MAD1L1: variants seen among roughly 807,000 people sequenced by gnomAD.
The protein encoded by MAD1L1 is mitotic spindle assembly checkpoint protein MAD1.
Under a neutral mutation model 96.9 loss-of-function variants are expected in MAD1L1, and 95 were observed. That is an observed-to-expected ratio of 0.98 (90% CI 0.83 to 1.16). MAD1L1 has a LOEUF of 1.16. Among genes scored for constraint, MAD1L1 ranks in the 50% most tolerant of loss-of-function variants. The pLI, the probability that MAD1L1 is intolerant of heterozygous loss-of-function variation, is 0.00. For missense variants in MAD1L1, 1,007 were observed against 954.4 expected (o/e 1.06, Z -0.73); for synonymous variants, 473 against 396.6 (o/e 1.19, Z -2.29).
intron 18 of MAD1L1, among the ~76,000 whole-genome samples, chr7:1,871,662 C>T (rs71523278): frequency 1.3e-5 from 2 of 151,064 alleles, no homozygotes; most frequent in African/African-American, 4.9e-5. Flanking sequence ...ATGCTGAACC[C>T]AACATACGCC....
At chr7:1,987,177 C>A (rs1385425711) in intron 14 of MAD1L1, among the ~76,000 whole-genome samples, 1 of 152,266 alleles carries the variant, frequency 6.6e-6, no homozygotes, top group Non-Finnish European at 1.5e-5. Context: ...CACCCCCACT[C>A]CTCTGTGACC....
chr7:2,050,427 AG>A (rs769273344), intron 12 of MAD1L1, among the ~76,000 whole-genome samples: 34 of 152,192 alleles, frequency 2.2e-4, no homozygotes, highest in East Asian at 1.9e-4. Context: ...GTGGTGAGCC[AG>A]GGGGTTCCTG....
chr7:2,036,739 G>C (rs1335926235), intron 12 of MAD1L1, among the ~76,000 whole-genome samples: 1 of 152,080 alleles, frequency 6.6e-6, no homozygotes, highest in Admixed American at 6.5e-5. Flanking sequence ...CAGGGCTCCT[G>C]ATCAGAGGTG....
In MAD1L1 at chr7:2,103,021, C is replaced by T; in HGVS notation, c.1074-33683G>A. Among the ~76,000 whole-genome samples the T allele has an allele frequency of 6.6e-6, 1 of 152,228 alleles. No homozygotes were observed. Among genetic ancestry groups the T allele is most frequent in the East Asian group, 1.9e-4 (1 of 5,188 alleles). ...AGCTCCACAACTCAGAGGAGGCAGC[C>T]TCCGTGATGCTGCCAACACCTGGGT... On this transcript the variant is annotated intron_variant, in intron 11 of 18. Transcript: ENST00000265854. This position sits in a 1 kb window ranked among gnomAD's most constrained non-coding sequence, Gnocchi z 4.3.
At chr7:2,139,692 G>T (rs1222871771) in intron 11 of MAD1L1, among the ~76,000 whole-genome samples, 1 of 152,226 alleles carries the variant, frequency 6.6e-6, no homozygotes, top group Non-Finnish European at 1.5e-5. Context: ...GGCTGATGGG[G>T]GAGGAAGCCG....
chr7:2,021,421 C>T (rs1782782273), intron 12 of MAD1L1, among the ~76,000 whole-genome samples: 1 of 152,120 alleles, frequency 6.6e-6, no homozygotes. Context: ...ACAGCACCAG[C>T]CTGGAATTCT....
intron 12 of MAD1L1, among the ~76,000 whole-genome samples, chr7:2,028,150 G>GTGA (rs1783063720): frequency 6.6e-6 from 1 of 152,108 alleles, no homozygotes; most frequent in Non-Finnish European, 1.5e-5. Context: ...CTAAGGCCGG[G>GTGA]CGCGGTGACT....
At chr7:1,824,510 CT>C (rs1782289059) in intron 18 of MAD1L1, among the ~76,000 whole-genome samples, 1 of 152,220 alleles carries the variant, frequency 6.6e-6, no homozygotes, top group African/African-American at 2.4e-5. Flanking sequence ...GCCCCGTGCC[CT>C]GGCGCCATCG....
chr7:2,162,414 C>A (rs1323867002), intron 10 of MAD1L1, among the ~76,000 whole-genome samples: 1 of 151,860 alleles, frequency 6.6e-6, no homozygotes, highest in African/African-American at 2.4e-5. Context: ...GTCATCACCA[C>A]TCCCTAATCT....
chr7:1,862,659 C>T lies in MAD1L1; in HGVS notation c.1998+35541G>A, dbSNP rs115798339. Among the ~76,000 whole-genome samples, 932 of 152,352 alleles carry T rather than the reference C, an allele frequency of 6.1e-3. 6 individuals carry two copies. The highest frequency in any genetic ancestry group is 0.017 in the African/African-American group (719 of 41,568). On this transcript the variant is annotated intron_variant, in intron 18 of 18. Transcript: ENST00000265854. ...CAGCAAGTGGCTGCCATCTAGGTAA[C>T]GGTCTGCCTACAGGCCTGTTATTTA...
chr7:2,178,343 C>A (rs1289756055), intron 10 of MAD1L1, among the ~76,000 whole-genome samples: 4 of 152,176 alleles, frequency 2.6e-5, no homozygotes, highest in African/African-American at 9.7e-5. Flanking sequence ...ACCGTACAAC[C>A]AGTGCCTTAC....
chr7:2,145,281 A>G (rs1417670313), intron 11 of MAD1L1, among the ~76,000 whole-genome samples: 5 of 152,238 alleles, frequency 3.3e-5, no homozygotes, highest in Admixed American at 3.3e-4. Context: ...GCAGCACCTG[A>G]GCAAACCCGC....
At chr7:2,039,265 C>T (rs1783575193) in intron 12 of MAD1L1, among the ~76,000 whole-genome samples, 1 of 152,216 alleles carries the variant, frequency 6.6e-6, no homozygotes, top group Non-Finnish European at 1.5e-5. Flanking sequence ...TAACCATCAC[C>T]ACCGAAGGAC....
intron 5 of MAD1L1, 53 bp downstream of exon 5, chr7:2,222,522 G>A: frequency 6.8e-7 from 1 of 1,471,450 alleles, no homozygotes; most frequent in South Asian, 1.4e-5. Flanking sequence ...ACAAGAGCAT[G>A]CACTCCCTCT....
At chr7:2,099,593 C>T (rs1037394401) in intron 11 of MAD1L1, among the ~76,000 whole-genome samples, 2 of 145,380 alleles carry the variant, frequency 1.4e-5, no homozygotes, top group African/African-American at 2.5e-5. Context: ...GGAGCGTGGA[C>T]GGAAGTGAGC....
At chr7:1,839,921 C>T (rs1225449185) in intron 18 of MAD1L1, among the ~76,000 whole-genome samples, 1 of 152,178 alleles carries the variant, frequency 6.6e-6, no homozygotes, top group Non-Finnish European at 1.5e-5. Flanking sequence ...GCATGGAGCA[C>T]AGACCCTGCC....
intron 15 of MAD1L1, among the ~76,000 whole-genome samples, chr7:1,966,755 C>T (rs1780185769): frequency 6.6e-6 from 1 of 152,228 alleles, no homozygotes; most frequent in Non-Finnish European, 1.5e-5. Context: ...GTCTGCAAAT[C>T]TCTCCCCAGG....
chr7:2,163,334 C>T (rs1790258214), intron 10 of MAD1L1, among the ~76,000 whole-genome samples: 2 of 152,186 alleles, frequency 1.3e-5, no homozygotes, highest in South Asian at 2.1e-4. Context: ...AGAAACTTTC[C>T]TTTTTCTTGA....
chr7:1,897,469 A>G (rs896974798), intron 18 of MAD1L1, among the ~76,000 whole-genome samples: 8 of 152,172 alleles, frequency 5.3e-5, no homozygotes, highest in African/African-American at 1.9e-4. Flanking sequence ...GGCCGACGGC[A>G]CCATCCTCAC....
Sources: gnomAD v4.1 joint callset for allele counts (sites outside exome capture counted in the v4.1 genomes callset) on GRCh38, gnomAD v4.1.1 for gene constraint, Gnocchi (gnomAD v3.1) non-coding constraint, MANE v1.5 for transcripts, NCBI Gene and HGNC (gene_info 2026-07-23, HGNC 2026-07-21) for gene names.